Variants in PCNX1 observed in about 807,000 individuals in gnomAD.
The protein encoded by PCNX1 is pecanex 1.
PCNX1 carries 78 observed loss-of-function variants against 242.2 expected under a neutral mutation model. The observed-to-expected ratio is 0.32, with a 90% confidence interval of 0.27 to 0.39. PCNX1 has a LOEUF of 0.39. Among genes scored for constraint, PCNX1 ranks in the 10% least tolerant of loss-of-function variants. The pLI is 1.00. For synonymous variants in PCNX1, 1,024 were observed against 1,032.9 expected (o/e 0.99, Z 0.17); for missense variants, 2,581 against 2,856.5 (o/e 0.90, Z 2.20).
At chr14:71,011,978 G>A in intron 10 of PCNX1, 1 of 169,834 alleles carries the variant, frequency 5.9e-6, no homozygotes, top group Non-Finnish European at 1.2e-5. Context: ...ACTTTTAAAT[G>A]GTATGGGAAC....
chr14:71,054,179 A>C (rs1566753266), intron 24 of PCNX1, among the ~76,000 whole-genome samples: 2 of 152,244 alleles, frequency 1.3e-5, no homozygotes, highest in African/African-American at 4.8e-5. Context: ...CTTAAAAGCT[A>C]CTTGCAATAT....
chr14:70,975,262 T>C (rs192372398), intron 5 of PCNX1, among the ~76,000 whole-genome samples: 15 of 152,258 alleles, frequency 9.9e-5, no homozygotes, highest in African/African-American at 3.4e-4. Context: ...AAACGTACAA[T>C]GCTAGCTTTT....
At chr14:70,927,591 TA>T (rs1566576809) in intron 1 of PCNX1, among the ~76,000 whole-genome samples, 2 of 152,072 alleles carry the variant, frequency 1.3e-5, no homozygotes, top group East Asian at 1.9e-4. Flanking sequence ...TTTATTTATT[TA>T]TTTATTTTTT....
chr14:71,014,357 T>G (rs1235379892), intron 11 of PCNX1, among the ~76,000 whole-genome samples: 1 of 152,184 alleles, frequency 6.6e-6, no homozygotes, highest in African/African-American at 2.4e-5. Context: ...ATGTCTAGCA[T>G]TCAGTCAAAG....
chr14:70,938,111 A>G (rs2057083475), intron 1 of PCNX1, among the ~76,000 whole-genome samples: 1 of 152,142 alleles, frequency 6.6e-6, no homozygotes, highest in Non-Finnish European at 1.5e-5. Context: ...TCCTAATTGA[A>G]TACCCTTTAT....
chr14:70,959,038 A>T (rs2058100907), intron 2 of PCNX1, among the ~76,000 whole-genome samples: 1 of 147,628 alleles, frequency 6.8e-6, no homozygotes, highest in African/African-American at 2.5e-5. Context: ...AAAAAAGATT[A>T]TATATAGACT....
intron 1 of PCNX1, among the ~76,000 whole-genome samples, chr14:70,941,555 C>G (rs1301980207): frequency 2.6e-5 from 4 of 152,210 alleles, no homozygotes; most frequent in Non-Finnish European, 4.4e-5. Flanking sequence ...GGAGGTGTCT[C>G]CCAGTTAGGC....
chr14:71,053,393 C>T (rs1252782007), intron 24 of PCNX1: 3 of 408,934 alleles, frequency 7.3e-6, no homozygotes, highest in African/African-American at 4.2e-5. Flanking sequence ...TCTTGATTCA[C>T]TGCAACCTCC....
intron 5 of PCNX1, among the ~76,000 whole-genome samples, chr14:70,971,700 G>C (rs2058547497): frequency 6.6e-6 from 1 of 152,178 alleles, no homozygotes; most frequent in Non-Finnish European, 1.5e-5. Flanking sequence ...TTTAAATAGA[G>C]TAGTTGAGGG....
At chr14:71,028,158 A>G (rs943303962) in intron 15 of PCNX1, among the ~76,000 whole-genome samples, 3 of 151,914 alleles carry the variant, frequency 2.0e-5, no homozygotes, top group African/African-American at 7.2e-5. Context: ...TGCTATTGTT[A>G]GCAATTAGAG....
intron 11 of PCNX1, among the ~76,000 whole-genome samples, chr14:71,013,581 TAATGGCAAA>T (rs2059881356): frequency 6.6e-6 from 1 of 152,028 alleles, no homozygotes; most frequent in Non-Finnish European, 1.5e-5. Flanking sequence ...ACTACTCTCT[TAATGGCAAA>T]CACAAACTTG....
chr14:71,069,719 A>G (rs892635025), intron 26 of PCNX1, among the ~76,000 whole-genome samples: 1 of 152,220 alleles, frequency 6.6e-6, no homozygotes, highest in Non-Finnish European at 1.5e-5. Flanking sequence ...TACTGCTAAT[A>G]AATGCTAAGG....
At chr14:70,965,232 C>G (rs2058341543) in intron 3 of PCNX1, 1 of 152,028 alleles carries the variant, frequency 6.6e-6, no homozygotes, top group African/African-American at 2.4e-5. Context: ...TGTCACTTTT[C>G]TACCTTCAAA....
intron 1 of PCNX1, among the ~76,000 whole-genome samples, chr14:70,941,407 G>T (rs1428000898): frequency 6.6e-6 from 1 of 152,194 alleles, no homozygotes; most frequent in African/African-American, 2.4e-5. Flanking sequence ...TCCAGACCCT[G>T]TTTGCCTGGA....
chr14:71,014,862 A>G (rs1314813712), intron 11 of PCNX1, among the ~76,000 whole-genome samples: 1 of 152,196 alleles, frequency 6.6e-6, no homozygotes, highest in Non-Finnish European at 1.5e-5. Flanking sequence ...GTGAATATAC[A>G]TTCAGGAAGC....
chr14:71,045,552 A>T (rs2060836208), intron 20 of PCNX1, among the ~76,000 whole-genome samples: 1 of 152,180 alleles, frequency 6.6e-6, no homozygotes, highest in Non-Finnish European at 1.5e-5. Context: ...CTCATTGATG[A>T]ATCCTCCTTT....
At chr14:70,995,478 G>A (rs2059321629) in intron 7 of PCNX1, among the ~76,000 whole-genome samples, 1 of 152,136 alleles carries the variant, frequency 6.6e-6, no homozygotes, top group Non-Finnish European at 1.5e-5. Context: ...TAGTTGGCTT[G>A]AGGTGGAAAA....
intron 27 of PCNX1, 27 bp from the exon 28 acceptor site, chr14:71,076,162 C>CTTTTTTTTTTTT: frequency 8.6e-7 from 1 of 1,167,480 alleles, no homozygotes; most frequent in South Asian, 1.4e-5. Context: ...AATCTGAATT[C>CTTTTTTTTTTTT]TTTTTTTTTT....
intron 31 of PCNX1, 52 bp downstream of exon 31, chr14:71,102,272 G>C: frequency 2.1e-6 from 3 of 1,434,354 alleles, no homozygotes; most frequent in Non-Finnish European, 2.9e-6. Context: ...TGAATAACTT[G>C]ATCTAAAATT....
Sources: allele counts gnomAD v4.1 joint callset (sites outside exome capture counted in the v4.1 genomes callset), GRCh38; gene constraint gnomAD v4.1.1; transcripts MANE v1.5; gene names NCBI Gene and HGNC (gene_info 2026-07-23, HGNC 2026-07-21).